SNX29: variants seen among roughly 807,000 people sequenced by gnomAD.
SNX29 encodes the protein sorting nexin-29.
SNX29 carries 78 observed loss-of-function variants against 102.1 expected under a neutral mutation model. The observed-to-expected ratio is 0.76, with a 90% CI of 0.64 to 0.92. The LOEUF (loss-of-function observed/expected upper bound fraction) is 0.92, where lower values mean the gene tolerates loss of function less well. Ranked by LOEUF, SNX29 falls within the 40% of genes least tolerant of loss-of-function variation. The pLI is 0.00. For synonymous variants in SNX29, 580 were observed against 414.5 expected, an observed-to-expected ratio of 1.40 and a Z score of -4.85; for missense variants, 1,280 against 1,061.7, an observed-to-expected ratio of 1.21 and a Z score of -2.86.
intron 15 of SNX29, among the ~76,000 whole-genome samples, chr16:12,299,497 C>G (rs2080092686): frequency 6.6e-6 from 1 of 152,064 alleles, no homozygotes; most frequent in Admixed American, 6.5e-5. Context: ...GTTCTAGGCC[C>G]TTCTTGTACT....
At chr16:12,033,993 C>A (rs2057409716) in intron 4 of SNX29, among the ~76,000 whole-genome samples, 1 of 152,116 alleles carries the variant, frequency 6.6e-6, no homozygotes, top group Admixed American at 6.5e-5. Context: ...GACTTCAGAA[C>A]ATGCTGCTCA....
chr16:12,121,908 C>A (rs534999029), intron 11 of SNX29, among the ~76,000 whole-genome samples: 1 of 152,310 alleles, frequency 6.6e-6, no homozygotes, highest in South Asian at 2.1e-4. Flanking sequence ...CTCTGCCTCC[C>A]GGGTTCAAGT....
At chr16:12,245,504 G>A (rs2078234801) in intron 14 of SNX29, among the ~76,000 whole-genome samples, 1 of 151,762 alleles carries the variant, frequency 6.6e-6, no homozygotes, top group African/African-American at 2.4e-5. Context: ...TGTAATGTAG[G>A]AGATGCTGAC....
At position 12,435,460 on chromosome 16, in the gene SNX29, C is replaced by T. The variant is rs550150436; in HGVS notation, c.2037+31931C>T. 9.9e-5 allele frequency among the ~76,000 whole-genome samples: 15 copies of T among 152,262 alleles called. No individual in the cohort carries two copies. In the East Asian group the frequency reaches 1.2e-3, roughly 12 times the overall value. On this transcript the variant is annotated intron_variant, in intron 18 of 20. Transcript: ENST00000566228. ...ACCTAAGACTCAGGCCACAGGCAGG[C>T]GGGTACGAGGCTCTGAGAACCTGCC...
chr16:12,439,810 G>A (rs2085718475), intron 18 of SNX29, among the ~76,000 whole-genome samples: 1 of 152,184 alleles, frequency 6.6e-6, no homozygotes, highest in Non-Finnish European at 1.5e-5. Context: ...TTCTGCTAGG[G>A]CAGTAGTACA....
intron 15 of SNX29, among the ~76,000 whole-genome samples, chr16:12,344,359 G>T (rs2081712272): frequency 1.3e-5 from 2 of 152,148 alleles, no homozygotes; most frequent in Admixed American, 6.5e-5. Flanking sequence ...TTTAGTGTTA[G>T]CTTTGCCTAG....
At chr16:12,459,755 G>A (rs888337532) in intron 18 of SNX29, among the ~76,000 whole-genome samples, 25 of 152,144 alleles carry the variant, frequency 1.6e-4, no homozygotes, top group African/African-American at 5.3e-4. Flanking sequence ...GTGGCTTTCT[G>A]GTCACTGGTC....
chr16:12,412,764 T>G (rs1015528606), intron 18 of SNX29, among the ~76,000 whole-genome samples: 1 of 152,254 alleles, frequency 6.6e-6, no homozygotes, highest in Non-Finnish European at 1.5e-5. Context: ...AGTCTATAGG[T>G]AGAGGTGGAC....
At chr16:12,052,594 C>A (rs183374021) in intron 8 of SNX29, 2 of 241,740 alleles carry the variant, frequency 8.3e-6, no homozygotes. Context: ...GGTCTGCAAG[C>A]TTTATATTTG....
At chr16:12,550,571 A>G (rs945759238) in intron 20 of SNX29, among the ~76,000 whole-genome samples, 2 of 151,970 alleles carry the variant, frequency 1.3e-5, no homozygotes, top group African/African-American at 4.8e-5. Flanking sequence ...ATGAGGATAT[A>G]TACTTCCACC....
chr16:12,492,856 T>C (rs1166488066), intron 19 of SNX29, among the ~76,000 whole-genome samples: 1 of 152,216 alleles, frequency 6.6e-6, no homozygotes, highest in Non-Finnish European at 1.5e-5. Context: ...TGCAGCATTA[T>C]TTCTGAGGGC....
At chr16:12,306,737 A>T (rs1331819139) in intron 15 of SNX29, among the ~76,000 whole-genome samples, 1 of 152,226 alleles carries the variant, frequency 6.6e-6, no homozygotes, top group Non-Finnish European at 1.5e-5. Context: ...CTTCCCCAGC[A>T]CTTTAGAAAT....
At chr16:12,277,550 C>T (rs1479502631) in intron 14 of SNX29, among the ~76,000 whole-genome samples, 1 of 152,146 alleles carries the variant, frequency 6.6e-6, no homozygotes, top group African/African-American at 2.4e-5. Flanking sequence ...CATGACAGTT[C>T]TTGCATTTTA....
intron 20 of SNX29, among the ~76,000 whole-genome samples, chr16:12,532,389 G>A (rs2076956160): frequency 6.6e-6 from 1 of 152,158 alleles, no homozygotes; most frequent in Non-Finnish European, 1.5e-5. Flanking sequence ...GTTCACTTGT[G>A]TTTCCCAGCG....
intron 13 of SNX29, among the ~76,000 whole-genome samples, chr16:12,154,390 C>G (rs956383936): frequency 6.6e-6 from 1 of 152,186 alleles, no homozygotes; most frequent in African/African-American, 2.4e-5. Flanking sequence ...TCTGACACCC[C>G]TGAGGTGGAA....
At chr16:12,339,103 C>T (rs1392930984) in intron 15 of SNX29, among the ~76,000 whole-genome samples, 2 of 152,194 alleles carry the variant, frequency 1.3e-5, no homozygotes, top group Admixed American at 6.5e-5. Flanking sequence ...CATGGTGGCT[C>T]ACACCTGTAA....
intron 1 of SNX29, among the ~76,000 whole-genome samples, chr16:11,996,648 T>C (rs1261734392): frequency 6.6e-6 from 1 of 152,170 alleles, no homozygotes; most frequent in East Asian, 1.9e-4. Context: ...CAAGGGCAGG[T>C]AGAGCTGTCG....
At chr16:12,564,294 A>T (rs1158290344) in intron 20 of SNX29, among the ~76,000 whole-genome samples, 1 of 152,204 alleles carries the variant, frequency 6.6e-6, no homozygotes, top group Non-Finnish European at 1.5e-5. Context: ...GTTCCTATGA[A>T]GTTGCTGGCT....
chr16:12,247,612 A>G (rs1487871377), intron 14 of SNX29, among the ~76,000 whole-genome samples: 2 of 152,142 alleles, frequency 1.3e-5, no homozygotes, highest in African/African-American at 4.8e-5. Context: ...TCCATTTACC[A>G]AGTGCTCAGC....
Sources: allele counts gnomAD v4.1 joint callset (sites outside exome capture counted in the v4.1 genomes callset), GRCh38; gene constraint gnomAD v4.1.1; transcripts MANE v1.5; gene names NCBI Gene and HGNC (gene_info 2026-07-23, HGNC 2026-07-21).